The following ADAMTS20 variants were observed in gnomAD, a reference collection of about 807,000 sequenced individuals.
The protein encoded by ADAMTS20 is A disintegrin and metalloproteinase with thrombospondin motifs 20.
In ADAMTS20, 225 loss-of-function variants were observed where a neutral mutation model predicts 260.1. The observed-to-expected ratio is 0.87, with a 90% CI of 0.78 to 0.97. The LOEUF (loss-of-function observed/expected upper bound fraction) is 0.97. Among genes scored for constraint, ADAMTS20 ranks in the 50% least tolerant of loss-of-function variants. The pLI is 0.00. For synonymous variants in ADAMTS20, 802 were observed against 769.5 expected (o/e 1.04, Z -0.70); for missense variants, 2,400 against 2,337.7 (o/e 1.03, Z -0.55).
At chr12:43,445,940 CA>C (rs200371891) in intron 15 of ADAMTS20, among the ~76,000 whole-genome samples, 30 of 150,414 alleles carry the variant, frequency 2.0e-4, no homozygotes, top group East Asian at 5.8e-4. Flanking sequence ...ATCATAAAAA[CA>C]AAAAAAAATT....
At position 43,550,975 on chromosome 12, in the gene ADAMTS20, G is replaced by C; in HGVS notation, c.387C>G (p.Cys129Trp). The C allele has an allele frequency of 6.2e-7, 1 of 1,607,386 alleles. No individual in the cohort carries two copies. The highest frequency in any genetic ancestry group is 1.3e-5 in the African/African-American group (1 of 74,908). ...SDAGPSDLRH[C>W]FYRGQVNSQE... ...GTGAGTTGACCTGGCCGCGGTAGAA[G>C]CAGTGGCGCAGGTCCGAGGGCCCTG... The change falls in exon 2 of 39, where the codon TGC becomes TGG. Residue 129 changes from cysteine to tryptophan, a missense_variant. By Grantham distance (215) the Cys-to-Trp change is radical (BLOSUM62 -2). Coordinates refer to ENST00000389420, the MANE Select transcript of ADAMTS20 (RefSeq NM_025003.5).
rs1000385890 is a variant in ADAMTS20 at position 43,439,917 on chromosome 12, C to T, written c.2443G>A (p.Glu815Lys). ...VERINSTNRQ[E>K]KELILQVLCV... is the part of the protein sequence containing the mutation. Reference sequence around the variant, plus strand: ...TTTACCTGCAAAATAAGTTCTTTCTCTTGTCGATTAGTACTATTAATTCTT... The same window carrying T: ...TTTACCTGCAAAATAAGTTCTTTCTTTTGTCGATTAGTACTATTAATTCTT... The change falls in exon 17 of 39, where the codon GAG (glutamate) becomes AAG (lysine). Residue 815 changes from glutamate (E) to lysine (K), a missense_variant. Physicochemically the swap from Glu to Lys is moderately conservative, Grantham distance 56. Coordinates refer to ENST00000389420, the MANE Select transcript of ADAMTS20 (RefSeq NM_025003.5). The T allele has an allele frequency of 8.7e-6, 14 of 1,605,298 alleles. No homozygotes were observed. The highest frequency in any genetic ancestry group is 1.2e-5 in the Non-Finnish European group (14 of 1,175,626).
intron 19 of ADAMTS20, chr12:43,433,846 G>A (rs1033943155): frequency 4.5e-6 from 2 of 440,274 alleles, no homozygotes; most frequent in South Asian, 3.3e-5. Flanking sequence ...GAATGTCAAG[G>A]AAATCAATCA....
At position 43,430,483 on chromosome 12, in the gene ADAMTS20, A is replaced by T. The variant is rs762242372; in HGVS notation, c.3262-12T>A. ...CATGTGGTTGTGCACTGAAAGAAGA[A>T]TATAGATATTAAAAAAACATTGTTT... is the stretch of plus-strand genomic sequence containing the variant. On this transcript the variant is annotated splice_polypyrimidine_tract_variant and intron_variant, in intron 22 of 38. Coordinates refer to ENST00000389420, the MANE Select transcript of ADAMTS20 (RefSeq NM_025003.5). The T allele has an allele frequency of 3.1e-6, 5 of 1,601,336 alleles. No homozygotes were observed. The highest frequency in any genetic ancestry group is 1.7e-6 in the Non-Finnish European group (2 of 1,174,352).
chr12:43,492,858 G>C (rs1301520333), intron 5 of ADAMTS20, among the ~76,000 whole-genome samples: 1 of 151,712 alleles, frequency 6.6e-6, no homozygotes, highest in Admixed American at 6.6e-5. Context: ...CCAATATTTA[G>C]GAAAAAAACT....
chr12:43,435,223 C>T (rs1941528042), intron 18 of ADAMTS20, among the ~76,000 whole-genome samples: 1 of 152,022 alleles, frequency 6.6e-6, no homozygotes, highest in South Asian at 2.1e-4. Flanking sequence ...ACAAATGTGC[C>T]ACATTAATGC....
intron 7 of ADAMTS20, among the ~76,000 whole-genome samples, chr12:43,482,025 G>A (rs759102154): frequency 1.3e-5 from 2 of 152,032 alleles, no homozygotes; most frequent in African/African-American, 4.8e-5. Context: ...GGGAGAAGGC[G>A]TTAACCCTAC....
intron 28 of ADAMTS20, chr12:43,423,858 A>G (rs1407767053): frequency 2.8e-6 from 2 of 722,748 alleles, no homozygotes; most frequent in African/African-American, 3.4e-5. Context: ...CCATGGCAAA[A>G]TATGTTTTTC....
At chr12:43,484,090 G>A (rs1313695737) in intron 7 of ADAMTS20, among the ~76,000 whole-genome samples, 1 of 152,042 alleles carries the variant, frequency 6.6e-6, no homozygotes, top group Non-Finnish European at 1.5e-5. Context: ...ACCACTGAAA[G>A]CAGCCAGAAC....
At position 43,398,978 on chromosome 12, in the gene ADAMTS20, A is replaced by G. The variant is rs536866446; in HGVS notation, c.4452+88T>C. The G allele has an allele frequency of 9.4e-6, 9 of 954,644 alleles. No individual in the cohort carries two copies. In the African/African-American group the frequency reaches 1.2e-4, roughly 13 times the overall value. The allele number at this position is 954,644 out of a possible 1,614,324, so 59.1% of individuals were successfully genotyped here. A position where few individuals can be genotyped will look rare whatever the true frequency, so the allele number is the denominator to read the frequency against. On this transcript the variant is annotated intron_variant, in intron 29 of 38. Coordinates refer to ENST00000389420, the MANE Select transcript of ADAMTS20 (RefSeq NM_025003.5). ...TATAACAATAAATTTTAGAGAAGCAAAACATTCAAGGTTATGAAAAATAAG... is the reference window on the plus strand; with the variant it reads ...TATAACAATAAATTTTAGAGAAGCAGAACATTCAAGGTTATGAAAAATAAG...
chr12:43,425,536 C>T lies in ADAMTS20; in HGVS notation c.4262G>A (p.Trp1421Ter), dbSNP rs754516492. ...HMHACPADVS[W>*]HQEPWTSCSA... is the part of the protein sequence containing the mutation. ...TACCGATGTCCATGGTTCCTGATGCCATGACACATCAGCAGGGCAAGCATG... is the reference window on the plus strand; with the variant it reads ...TACCGATGTCCATGGTTCCTGATGCTATGACACATCAGCAGGGCAAGCATG... Residue 1421 changes from tryptophan to a stop codon, truncating the protein, a stop_gained, in exon 28 of 39, where the codon TGG (tryptophan) becomes TAG (stop). Coordinates refer to ENST00000389420, the MANE Select transcript of ADAMTS20 (RefSeq NM_025003.5). LOFTEE classifies it high-confidence loss of function. The T allele has an allele frequency of 1.4e-5, 22 of 1,556,820 alleles. 1 individual carries two copies. Among genetic ancestry groups the T allele is most frequent in the Middle Eastern group, 3.4e-4 (2 of 5,880 alleles).
chr12:43,522,243 A>T (rs918919905), intron 3 of ADAMTS20, among the ~76,000 whole-genome samples: 2 of 152,144 alleles, frequency 1.3e-5, no homozygotes, highest in Non-Finnish European at 2.9e-5. Flanking sequence ...AATGCCAGAC[A>T]CTTAGAAAAC....
Position 43,462,833 on chromosome 12 carries a change from G to A in ADAMTS20, c.1614+62C>T, listed in dbSNP as rs769740016. On this transcript the variant is annotated intron_variant, in intron 11 of 38. Transcript: ENST00000389420. ...CAAATAACAAACAGAGTGCTAAAAT[G>A]CAGAGCAATCACATCCTTGGATAAT... 2.1e-4 allele frequency: 289 copies of A among 1,345,518 alleles called. 1 individual carries two copies. Among genetic ancestry groups the A allele is most frequent in the Non-Finnish European group, 2.8e-4 (271 of 970,806 alleles). The allele number at this position is 1,345,518 out of a possible 1,614,324, so 83.3% of individuals were successfully genotyped here.
intron 29 of ADAMTS20, among the ~76,000 whole-genome samples, chr12:43,398,222 T>C (rs138608818): frequency 9.2e-5 from 14 of 152,302 alleles, no homozygotes; most frequent in African/African-American, 3.4e-4. Flanking sequence ...ATTCCAGTTA[T>C]CTTTTCTGAC....
chr12:43,431,904 C>T (rs1298477980), intron 21 of ADAMTS20, among the ~76,000 whole-genome samples: 1 of 151,486 alleles, frequency 6.6e-6, no homozygotes, highest in Non-Finnish European at 1.5e-5. Context: ...CACTCTGTCA[C>T]CCATGCTGGA....
At chr12:43,385,415 GAT>G (rs1266435077) in intron 29 of ADAMTS20, among the ~76,000 whole-genome samples, 8 of 152,186 alleles carry the variant, frequency 5.3e-5, no homozygotes, top group African/African-American at 1.9e-4. Flanking sequence ...TCACGCTGAT[GAT>G]AGTTTATTTT....
chr12:43,511,078 G>C (rs763416042), intron 3 of ADAMTS20, among the ~76,000 whole-genome samples: 11 of 151,962 alleles, frequency 7.2e-5, no homozygotes, highest in Non-Finnish European at 1.2e-4. Flanking sequence ...TAGTCACCAA[G>C]TTTGGCCATT....
intron 22 of ADAMTS20, among the ~76,000 whole-genome samples, chr12:43,430,996 C>T (rs117438242): frequency 2.4e-3 from 361 of 152,304 alleles, no homozygotes; most frequent in South Asian, 5.2e-3. Flanking sequence ...AGCAAAACGT[C>T]TAAACGATGC....
intron 31 of ADAMTS20, among the ~76,000 whole-genome samples, chr12:43,379,982 A>T (rs1940314488): frequency 7.7e-6 from 1 of 130,398 alleles, no homozygotes; most frequent in Non-Finnish European, 1.5e-5. Context: ...CCAGACAGAC[A>T]TCACAAAAAA....
Sources: allele counts gnomAD v4.1 joint callset (sites outside exome capture counted in the v4.1 genomes callset), GRCh38; gene constraint gnomAD v4.1.1; transcripts MANE v1.5; gene names NCBI Gene and HGNC (gene_info 2026-07-23, HGNC 2026-07-21).